UGGT2: variants seen among roughly 807,000 people sequenced by gnomAD.
The protein encoded by UGGT2 is UDP-glucose:glycoprotein glucosyltransferase 2.
In UGGT2, 180 loss-of-function variants were observed where a neutral mutation model predicts 192.1. The ratio of observed to expected loss-of-function variants is 0.94; its 90% confidence interval spans 0.83 to 1.06. UGGT2 has a LOEUF of 1.06. Ranked by LOEUF, UGGT2 falls within the 50% of genes least tolerant of loss-of-function variation. The pLI, the probability that UGGT2 is intolerant of heterozygous loss-of-function variation, is 0.00. For synonymous variants in UGGT2, 580 were observed against 591.0 expected, an observed-to-expected ratio of 0.98 and a Z score of 0.27; for missense variants, 1,849 against 1,795.7, an observed-to-expected ratio of 1.03 and a Z score of -0.54.
intron 17 of UGGT2, among the ~76,000 whole-genome samples, chr13:95,931,851 G>A (rs1367873149): frequency 6.6e-6 from 1 of 152,150 alleles, no homozygotes; most frequent in African/African-American, 2.4e-5. Flanking sequence ...GAGGGAGCCG[G>A]CTCCGGCCTC....
At chr13:95,962,817 C>T (rs2050441171) in intron 12 of UGGT2, among the ~76,000 whole-genome samples, 1 of 151,982 alleles carries the variant, frequency 6.6e-6, no homozygotes, top group Non-Finnish European at 1.5e-5. Flanking sequence ...ATACCCGAGA[C>T]CGGGTAATTT....
At chr13:95,893,329 CT>C (rs2047855077) in intron 24 of UGGT2, among the ~76,000 whole-genome samples, 1 of 152,086 alleles carries the variant, frequency 6.6e-6, no homozygotes, top group Admixed American at 6.5e-5. Flanking sequence ...AGATATAATA[CT>C]GTGTTTAAAT....
At chr13:96,048,912 A>G (rs2053401816) in intron 1 of UGGT2, among the ~76,000 whole-genome samples, 2 of 152,214 alleles carry the variant, frequency 1.3e-5, no homozygotes, top group Non-Finnish European at 2.9e-5. Flanking sequence ...TACAAAGAGG[A>G]GCTGGTACCA....
intron 26 of UGGT2, 146 bp downstream of exon 26, chr13:95,887,746 G>A (rs960021034): frequency 3.5e-6 from 2 of 571,894 alleles, no homozygotes; most frequent in Non-Finnish European, 6.3e-6. Flanking sequence ...AGTCAGTTAA[G>A]GTTAGTAAAT....
At chr13:95,888,563 G>C (rs1399694033) in intron 25 of UGGT2, among the ~76,000 whole-genome samples, 2 of 152,028 alleles carry the variant, frequency 1.3e-5, no homozygotes, top group East Asian at 3.9e-4. Context: ...TAATAGAAAG[G>C]ATACAGGCTT....
chr13:95,825,576 C>G (rs959743202), intron 38 of UGGT2, among the ~76,000 whole-genome samples: 2 of 152,126 alleles, frequency 1.3e-5, no homozygotes, highest in South Asian at 4.1e-4. Context: ...ACCTCTCCTG[C>G]GGCAATGCAG....
rs145362093 is a variant in UGGT2, at chr13:95,874,976, C to G, written c.3473+2303G>C. ...AAAGTGCTAGGATTACATGTGTGAA[C>G]TACCATGCCTAGCCTAAGTGTAAAT... On this transcript the variant is annotated intron_variant, in intron 29 of 38. Transcript: ENST00000376747. Among the ~76,000 whole-genome samples, 10 of 152,296 alleles carry G rather than the reference C, an allele frequency of 6.6e-5. No individual in the cohort carries two copies. The East Asian group carries it at 1.9e-3, about 29-fold the overall frequency.
intron 38 of UGGT2, among the ~76,000 whole-genome samples, chr13:95,809,803 T>A (rs773067243): frequency 2.0e-5 from 3 of 152,250 alleles, no homozygotes; most frequent in Non-Finnish European, 4.4e-5. Flanking sequence ...CATCCTTTGC[T>A]GGCATTAAAT....
At chr13:95,935,202 A>G (rs2140499884) in intron 17 of UGGT2, among the ~76,000 whole-genome samples, 1 of 152,210 alleles carries the variant, frequency 6.6e-6, no homozygotes, top group South Asian at 2.1e-4. Context: ...ATTCAAGGTT[A>G]ATATTGGTAC....
At chr13:95,980,896 G>C (rs2051100668) in intron 10 of UGGT2, among the ~76,000 whole-genome samples, 1 of 152,116 alleles carries the variant, frequency 6.6e-6, no homozygotes, top group Non-Finnish European at 1.5e-5. Flanking sequence ...ACCCAAGGAG[G>C]CTGAGGCAGG....
intron 12 of UGGT2, among the ~76,000 whole-genome samples, chr13:95,966,189 T>C (rs1405690697): frequency 1.3e-5 from 2 of 152,212 alleles, no homozygotes; most frequent in African/African-American, 4.8e-5. Context: ...GTGGTATATA[T>C]TCACAATGGA....
chr13:95,980,418 A>G (rs981172088), intron 10 of UGGT2, among the ~76,000 whole-genome samples: 2 of 152,138 alleles, frequency 1.3e-5, no homozygotes, highest in African/African-American at 2.4e-5. Context: ...ATGCAAAGAC[A>G]TAAGAATGAT....
chr13:96,011,215 T>C (rs1217514854), intron 5 of UGGT2, among the ~76,000 whole-genome samples: 1 of 151,980 alleles, frequency 6.6e-6, no homozygotes, highest in East Asian at 1.9e-4. Context: ...AAAAATATAA[T>C]CTATAAACAA....
chr13:95,846,645 C>G (rs1888494685), intron 36 of UGGT2, among the ~76,000 whole-genome samples: 1 of 152,082 alleles, frequency 6.6e-6, no homozygotes, highest in African/African-American at 2.4e-5. Context: ...TTGTGTAAAA[C>G]TGGTATTATT....
At chr13:95,973,762 T>C (rs1213645415) in intron 10 of UGGT2, among the ~76,000 whole-genome samples, 1 of 152,230 alleles carries the variant, frequency 6.6e-6, no homozygotes, top group Non-Finnish European at 1.5e-5. Context: ...CTGATCTTTC[T>C]ACTTATTAGC....
chr13:95,942,252 G>A (rs1019426973), intron 15 of UGGT2, among the ~76,000 whole-genome samples: 6 of 151,140 alleles, frequency 4.0e-5, no homozygotes, highest in Non-Finnish European at 7.4e-5. Flanking sequence ...GTGTGTGTGT[G>A]TGTGTGTGTG....
At chr13:95,956,710 C>CT (rs1457654741) in intron 12 of UGGT2, among the ~76,000 whole-genome samples, 3 of 152,204 alleles carry the variant, frequency 2.0e-5, no homozygotes, top group Admixed American at 2.0e-4. Flanking sequence ...AATGGGAACA[C>CT]TTGTGAACTG....
At chr13:95,951,312 A>G (rs927547814) in intron 12 of UGGT2, among the ~76,000 whole-genome samples, 2 of 152,268 alleles carry the variant, frequency 1.3e-5, no homozygotes, top group African/African-American at 4.8e-5. Context: ...GCTCAACAGC[A>G]TATTTGAGCA....
At chr13:95,940,642 A>G (rs2049644146) in intron 15 of UGGT2, among the ~76,000 whole-genome samples, 1 of 149,910 alleles carries the variant, frequency 6.7e-6, no homozygotes, top group Admixed American at 6.7e-5. Context: ...TTTTGTAAAG[A>G]TGGGGTCTTG....
Sources: allele counts gnomAD v4.1 joint callset (sites outside exome capture counted in the v4.1 genomes callset), GRCh38; gene constraint gnomAD v4.1.1; transcripts MANE v1.5; gene names NCBI Gene and HGNC (gene_info 2026-07-23, HGNC 2026-07-21).